The following PBX3 variants were observed in gnomAD, a reference collection of about 807,000 sequenced individuals.
PBX3 encodes the protein pre-B-cell leukemia transcription factor 3.
In PBX3, 14 loss-of-function variants were observed where a neutral mutation model predicts 48.5. The observed-to-expected ratio is 0.29, with a 90% CI of 0.19 to 0.45. The LOEUF (loss-of-function observed/expected upper bound fraction) is 0.45. PBX3 is among the 20% of genes least tolerant of loss of function. PBX3 has a pLI of 1.00. For missense variants in PBX3, 386 were observed against 546.7 expected (o/e 0.71, Z 2.93); for synonymous variants, 210 against 200.3 (o/e 1.05, Z -0.41).
In PBX3 at chr9:125,859,708, G is replaced by A. The variant is rs114655756; in HGVS notation, c.275-55978G>A. The stretch of plus-strand genomic sequence containing the variant: ...TGGTCAGTGTAAAAGGTGATCAATA[G>A]ATATGTAATGGAATTCCTAGACAGT... On this transcript the variant is annotated intron_variant, in intron 2 of 8. Transcript: ENST00000373489. Among the ~76,000 whole-genome samples the A allele has an allele frequency of 4.4e-3, 664 of 152,298 alleles. 5 individuals carry two copies. The highest frequency in any genetic ancestry group is 0.014 in the African/African-American group (591 of 41,556).
chr9:125,935,487 C>T lies in PBX3; in HGVS notation c.723C>T (p.Asn241=). 5.6e-6 allele frequency: 9 copies of T among 1,613,634 alleles called. No homozygotes were observed. Among genetic ancestry groups the T allele is most frequent in the South Asian group, 1.1e-5 (1 of 91,050 alleles). ...RFLDARRKRR[N]FSKQATEILN... is the part of the protein sequence containing the mutation. ...CTTGTCATAGACGGAAAAGGCGTAA[C>T]TTCAGTAAACAGGCCACAGAAATCT... The change falls in exon 5 of 9, where the codon AAC becomes AAT. Residue 241 remains asparagine (N), a synonymous_variant. Coordinates refer to ENST00000373489, the MANE Select transcript of PBX3 (RefSeq NM_006195.6).
chr9:125,822,485 C>T (rs569750684), intron 2 of PBX3, among the ~76,000 whole-genome samples: 2 of 152,170 alleles, frequency 1.3e-5, no homozygotes, highest in East Asian at 3.9e-4. Context: ...AGTTTAAAAA[C>T]GTTTCTTCCT....
intron 2 of PBX3, among the ~76,000 whole-genome samples, chr9:125,795,205 A>G (rs945611666): frequency 1.3e-5 from 2 of 152,248 alleles, no homozygotes; most frequent in African/African-American, 2.4e-5. Flanking sequence ...GGTCCCAGGT[A>G]AAAACCTGTG....
At chr9:125,865,013 T>C (rs944086314) in intron 2 of PBX3, among the ~76,000 whole-genome samples, 1 of 152,250 alleles carries the variant, frequency 6.6e-6, no homozygotes, top group African/African-American at 2.4e-5. Context: ...TGTGCATGCA[T>C]AACATAAAGA....
intron 2 of PBX3, among the ~76,000 whole-genome samples, chr9:125,782,528 A>G (rs1837349627): frequency 6.6e-6 from 1 of 152,262 alleles, no homozygotes; most frequent in South Asian, 2.1e-4. Flanking sequence ...GCTCATTAAA[A>G]TAGCCATAAT....
At chr9:125,763,583 C>G (rs1464162109) in intron 2 of PBX3, among the ~76,000 whole-genome samples, 2 of 152,172 alleles carry the variant, frequency 1.3e-5, no homozygotes, top group Non-Finnish European at 2.9e-5. Flanking sequence ...GAAATCCACA[C>G]GATTCACCCT....
At chr9:125,881,805 A>G (rs1425775261) in intron 2 of PBX3, among the ~76,000 whole-genome samples, 1 of 151,946 alleles carries the variant, frequency 6.6e-6, no homozygotes, top group African/African-American at 2.4e-5. Flanking sequence ...TAGACTTACA[A>G]ATCCTTAAGA....
intron 2 of PBX3, among the ~76,000 whole-genome samples, chr9:125,904,592 G>A (rs1398011864): frequency 6.6e-6 from 1 of 151,718 alleles, no homozygotes; most frequent in African/African-American, 2.4e-5. Flanking sequence ...TGAGGTTGCC[G>A]TTTTATTGCT....
intron 3 of PBX3, among the ~76,000 whole-genome samples, chr9:125,922,538 T>C (rs868667261): frequency 6.6e-6 from 1 of 152,188 alleles, no homozygotes; most frequent in Non-Finnish European, 1.5e-5. Flanking sequence ...TAACTGACAG[T>C]TTCACTTGGA....
intron 2 of PBX3, among the ~76,000 whole-genome samples, chr9:125,770,159 CAG>C (rs2131998767): frequency 1.3e-5 from 2 of 152,154 alleles, no homozygotes; most frequent in East Asian, 3.9e-4. Flanking sequence ...TTTCTGAATT[CAG>C]AGTCTTTATA....
At chr9:125,814,593 T>C (rs1838404076) in intron 2 of PBX3, among the ~76,000 whole-genome samples, 1 of 152,170 alleles carries the variant, frequency 6.6e-6, no homozygotes, top group Non-Finnish European at 1.5e-5. Flanking sequence ...AGACCTGCTA[T>C]CTGGAACAGA....
intron 2 of PBX3, chr9:125,749,005 C>T (rs1441113568): frequency 1.5e-5 from 3 of 194,290 alleles, no homozygotes; most frequent in Non-Finnish European, 3.3e-5. Flanking sequence ...GAAGCATCGC[C>T]CGAACTTTGT....
At chr9:125,906,937 A>G (rs1362911372) in intron 2 of PBX3, among the ~76,000 whole-genome samples, 1 of 152,070 alleles carries the variant, frequency 6.6e-6, no homozygotes, top group African/African-American at 2.4e-5. Flanking sequence ...TGCAGGAAGA[A>G]GAGTCCTTAT....
intron 5 of PBX3, among the ~76,000 whole-genome samples, chr9:125,943,335 G>A (rs895634916): frequency 1.0e-4 from 11 of 105,768 alleles, no homozygotes; most frequent in African/African-American, 2.7e-4. Flanking sequence ...AGCTTGGGCT[G>A]CAGAGTGAGA....
At chr9:125,851,819 T>G (rs1315081182) in intron 2 of PBX3, among the ~76,000 whole-genome samples, 1 of 151,836 alleles carries the variant, frequency 6.6e-6, no homozygotes, top group Non-Finnish European at 1.5e-5. Flanking sequence ...ACATGCTCCT[T>G]AATTAAAAGC....
rs543988377 is a variant in PBX3, at chr9:125,874,048, T to G, written c.275-41638T>G. ...AAGATAAAGCATGTACAGCAGAAATTAAAAAGAAGGAATATCCTGAACACT... is the reference window on the plus strand; with the variant it reads ...AAGATAAAGCATGTACAGCAGAAATGAAAAAGAAGGAATATCCTGAACACT... On this transcript the variant is annotated intron_variant, in intron 2 of 8. Transcript: ENST00000373489. Among the ~76,000 whole-genome samples, 4 of 152,130 alleles carry G rather than the reference T, an allele frequency of 2.6e-5. No homozygotes were observed. In the East Asian group the frequency reaches 5.8e-4, roughly 22 times the overall value.
At chr9:125,841,295 C>T (rs919067820) in intron 2 of PBX3, among the ~76,000 whole-genome samples, 1 of 152,136 alleles carries the variant, frequency 6.6e-6, no homozygotes, top group Non-Finnish European at 1.5e-5. Flanking sequence ...TTTATTCTTA[C>T]TGTTGAAAAT....
intron 2 of PBX3, among the ~76,000 whole-genome samples, chr9:125,909,830 A>T (rs1564168712): frequency 6.6e-6 from 1 of 152,150 alleles, no homozygotes; most frequent in Non-Finnish European, 1.5e-5. Context: ...CAAGATACTA[A>T]TAATGTCATT....
chr9:125,931,427 C>T (rs1002280988), intron 4 of PBX3, among the ~76,000 whole-genome samples: 3 of 152,142 alleles, frequency 2.0e-5, no homozygotes, highest in South Asian at 2.1e-4. Flanking sequence ...TTCTGCCTCC[C>T]GAGTAGCTGG....
Sources: gnomAD v4.1 joint callset for allele counts (sites outside exome capture counted in the v4.1 genomes callset) on GRCh38, gnomAD v4.1.1 for gene constraint, MANE v1.5 for transcripts, NCBI Gene and HGNC (gene_info 2026-07-23, HGNC 2026-07-21) for gene names.